The following DNMT3A variants were observed in gnomAD, a reference collection of about 807,000 sequenced individuals.
DNMT3A encodes the protein DNA (cytosine-5)-methyltransferase 3A.
In DNMT3A, 267 loss-of-function variants were observed where a neutral mutation model predicts 117.6. The observed-to-expected ratio is 2.27, with a 90% confidence interval of 2.05 to 2.51. The LOEUF is 2.51. Among genes scored for constraint, DNMT3A ranks in the 30% most tolerant of loss-of-function variants. DNMT3A has a pLI of 0.00. For missense variants in DNMT3A, 1,029 were observed against 1,260.2 expected, an observed-to-expected ratio of 0.82 and a Z score of 2.78; for synonymous variants, 432 against 474.8, an observed-to-expected ratio of 0.91 and a Z score of 1.17.
intron 22 of DNMT3A, 107 bp downstream of exon 22, chr2:25,235,600 G>A: frequency 1.2e-6 from 1 of 856,142 alleles, no homozygotes; most frequent in Middle Eastern, 2.3e-4. Context: ...ACTGTTCCCA[G>A]GACGTTTGTG....
At chr2:25,251,221 G>T (rs1000617572) in intron 6 of DNMT3A, among the ~76,000 whole-genome samples, 1 of 151,428 alleles carries the variant, frequency 6.6e-6, no homozygotes, top group African/African-American at 2.4e-5. Flanking sequence ...GCTGGGTGGG[G>T]GAGGGGCCTC....
chr2:25,335,361 T>G (rs115601290), intron 1 of DNMT3A, among the ~76,000 whole-genome samples: 1 of 152,198 alleles, frequency 6.6e-6, no homozygotes, highest in African/African-American at 2.4e-5. Flanking sequence ...CCCACTGGCT[T>G]GGCAGGGGCA....
In DNMT3A at chr2:25,289,129, G is replaced by A. The variant is rs557180009; in HGVS notation, c.178-6418C>T. ...AACTTTTTTTTTTTTTTTTGAGACC[G>A]AGTCTCGCTCTGTTGCCCAGGCGAG... On this transcript the variant is annotated intron_variant, in intron 3 of 22. Coordinates refer to ENST00000321117, the MANE Select transcript of DNMT3A (RefSeq NM_022552.5). Among the ~76,000 whole-genome samples, 87 of 147,046 alleles carry A rather than the reference G, an allele frequency of 5.9e-4. 1 individual carries two copies. In the South Asian group the frequency reaches 0.015, roughly 26 times the overall value.
At chr2:25,241,425 T>C in intron 17 of DNMT3A, 137 bp downstream of exon 17, 4 of 1,207,162 alleles carry the variant, frequency 3.3e-6, no homozygotes, top group South Asian at 3.2e-5. Flanking sequence ...AAATGGAAGA[T>C]AAGGAGAAAA....
intron 2 of DNMT3A, among the ~76,000 whole-genome samples, chr2:25,312,118 G>C (rs1474751146): frequency 6.6e-6 from 1 of 152,190 alleles, no homozygotes; most frequent in African/African-American, 2.4e-5. Flanking sequence ...ATCGGACCCA[G>C]AGTGGGGCGA....
chr2:25,246,125 C>A (rs1243154695), intron 11 of DNMT3A, 35 bp downstream of exon 11: 2 of 1,614,152 alleles, frequency 1.2e-6, no homozygotes, highest in Non-Finnish European at 1.7e-6. Context: ...ATGCAGGCCT[C>A]CTGGTGCCAC....
intron 6 of DNMT3A, among the ~76,000 whole-genome samples, chr2:25,251,596 C>G (rs1466432754): frequency 6.6e-6 from 1 of 152,202 alleles, no homozygotes; most frequent in Non-Finnish European, 1.5e-5. Flanking sequence ...GGTCTGAGCG[C>G]CACCGCCCCC....
chr2:25,314,201 C>T (rs2034271072), intron 1 of DNMT3A, 40 bp from the exon 2 acceptor site: 5 of 1,403,946 alleles, frequency 3.6e-6, no homozygotes, highest in African/African-American at 1.5e-5. Context: ...CGGAGCACCC[C>T]ACCCTCCCTG....
At position 25,236,012 on chromosome 2, in the gene DNMT3A, C is replaced by G. The variant is rs1054958888; in HGVS notation, c.2479-187G>C. On this transcript the variant is annotated intron_variant, in intron 21 of 22. Transcript: ENST00000321117. The surrounding 1 kb of genome is among the most constrained non-coding windows in gnomAD (Gnocchi z 4.5). ...AGCCTCCACAGACCCCACAGCCTCACTTTTCTTCCTACTTGGAGGTCACCT... is the reference window on the plus strand; with the variant it reads ...AGCCTCCACAGACCCCACAGCCTCAGTTTTCTTCCTACTTGGAGGTCACCT... Among the ~76,000 whole-genome samples, 1 of 152,074 alleles carries G rather than the reference C, an allele frequency of 6.6e-6. No homozygotes were observed. The highest frequency in any genetic ancestry group is 6.6e-5 in the Admixed American group (1 of 15,266).
chr2:25,331,816 T>A (rs1558747953), intron 1 of DNMT3A, among the ~76,000 whole-genome samples: 1 of 151,810 alleles, frequency 6.6e-6, no homozygotes, highest in Non-Finnish European at 1.5e-5. Context: ...TGGCTCAGCC[T>A]CCCCCTGGGG....
chr2:25,325,325 A>G (rs1256388998), intron 1 of DNMT3A, among the ~76,000 whole-genome samples: 1 of 152,296 alleles, frequency 6.6e-6, no homozygotes, highest in African/African-American at 2.4e-5. Context: ...CCTGGGAGTC[A>G]GGGGCACAGG....
chr2:25,328,014 C>T (rs2034850369), intron 1 of DNMT3A, among the ~76,000 whole-genome samples: 1 of 152,174 alleles, frequency 6.6e-6, no homozygotes, highest in South Asian at 2.1e-4. Context: ...TGCCCTGGAG[C>T]GGGTCCACCT....
At chr2:25,329,674 CACACACACACACACACA>C (rs1383137806) in intron 1 of DNMT3A, among the ~76,000 whole-genome samples, 4 of 22,692 alleles carry the variant, frequency 1.8e-4, no homozygotes, top group African/African-American at 2.5e-4. Flanking sequence ...ATGCAGACCC[CACACACACACACACACA>C]CACACACACA....
At chr2:25,326,266 G>C (rs997701992) in intron 1 of DNMT3A, among the ~76,000 whole-genome samples, 8 of 152,096 alleles carry the variant, frequency 5.3e-5, no homozygotes, top group African/African-American at 1.7e-4. Context: ...AGAATATTCA[G>C]TGAGACTGTG....
chr2:25,274,571 G>T (rs1032903970), intron 6 of DNMT3A, among the ~76,000 whole-genome samples: 5 of 152,132 alleles, frequency 3.3e-5, no homozygotes, highest in Non-Finnish European at 5.9e-5. Flanking sequence ...CAGCTCTTCG[G>T]TTCCTTCAGA....
intron 4 of DNMT3A, among the ~76,000 whole-genome samples, chr2:25,278,001 T>TCACACACACACACAAACACACACA (rs2031571420): frequency 1.1e-5 from 1 of 90,500 alleles, no homozygotes; most frequent in Non-Finnish European, 2.4e-5. Context: ...ACTTGAGTGA[T>TCACACACACACACAAACACACACA]CACACACACA....
intron 3 of DNMT3A, among the ~76,000 whole-genome samples, chr2:25,292,182 C>T (rs539586161): frequency 1.3e-5 from 2 of 151,928 alleles, no homozygotes; most frequent in African/African-American, 4.8e-5. Context: ...TAAATCCCTT[C>T]GACCCTTAAA....
intron 1 of DNMT3A, among the ~76,000 whole-genome samples, chr2:25,328,970 C>T (rs769556414): frequency 1.3e-5 from 2 of 152,196 alleles, no homozygotes; most frequent in Non-Finnish European, 2.9e-5. Context: ...CCCCCAACCC[C>T]ACTTCCTAAA....
Position 25,246,726 on chromosome 2 carries a change from A to G in DNMT3A, c.1173T>C (p.Asp391=). The change falls in exon 10 of 23, where the codon GAT becomes GAC. Residue 391 remains aspartate (D), a synonymous_variant. Transcript: ENST00000321117. ...GKLFPVCHDS[D]ESDTAKAVEV... is the part of the protein sequence containing the mutation. ...CCACGGCCTTGGCAGTGTCACTCTC[A>G]TCGCTGTCGTGGCACACCGGGAACA... 6.2e-7 allele frequency: 1 copy of G among 1,613,182 alleles called. No individual in the cohort carries two copies. The highest frequency in any genetic ancestry group is 8.5e-7 in the Non-Finnish European group (1 of 1,179,432).
Sources: gnomAD v4.1 joint callset for allele counts (sites outside exome capture counted in the v4.1 genomes callset) on GRCh38, gnomAD v4.1.1 for gene constraint, Gnocchi (gnomAD v3.1) non-coding constraint, MANE v1.5 for transcripts, NCBI Gene and HGNC (gene_info 2026-07-23, HGNC 2026-07-21) for gene names.